Variants in GYPE observed in about 807,000 individuals in gnomAD.
The protein encoded by GYPE is glycophorin-E.
In GYPE, 8 loss-of-function variants were observed where a neutral mutation model predicts 11.6. The ratio of observed to expected loss-of-function variants is 0.69; its 90% CI spans 0.41 to 1.25. The LOEUF (loss-of-function observed/expected upper bound fraction) is 1.25. GYPE is among the 50% of genes most tolerant of loss of function. The probability of loss-of-function intolerance (pLI) is 0.01; values close to 1 mark genes in which losing one functional copy is unlikely to be tolerated. For synonymous variants in GYPE, 28 were observed against 29.6 expected (o/e 0.94, Z 0.18); for missense variants, 90 against 92.8 (o/e 0.97, Z 0.12).
intron 1 of GYPE, among the ~76,000 whole-genome samples, chr4:143,883,254 G>A (rs985617741): frequency 2.6e-5 from 4 of 151,912 alleles, no homozygotes; most frequent in African/African-American, 7.3e-5. Context: ...CATGTAAGAC[G>A]TGCCTACTTT....
At position 143,880,399 on chromosome 4, in the gene GYPE, A is replaced by G. The variant is rs1743977438; in HGVS notation, c.136+12T>C. ...TCGGAGCCACAATTTAAAAATAAAA[A>G]TGAAAACAAACCATTTGTCTGTGAT... On this transcript the variant is annotated intron_variant, in intron 2 of 3. Coordinates refer to ENST00000358615, the MANE Select transcript of GYPE (RefSeq NM_198682.3). 1 of 1,613,914 alleles carries G rather than the reference A, an allele frequency of 6.2e-7. No individual in the cohort carries two copies. The highest frequency in any genetic ancestry group is 8.5e-7 in the Non-Finnish European group (1 of 1,179,810).
chr4:143,898,877 C>G (rs1389452095), intron 1 of GYPE, among the ~76,000 whole-genome samples: 1 of 151,446 alleles, frequency 6.6e-6, no homozygotes, highest in African/African-American at 2.4e-5. Context: ...CTTTTGTGGT[C>G]TTTTTCCTAG....
rs541067351 is a variant in GYPE, at chr4:143,871,053, T to G, written c.*1209A>C. The stretch of plus-strand genomic sequence containing the variant: ...AAAACTATCAGATTATGTGAGAATT[T>G]ACTCACTATCATGAGAATAGCACAG... On this transcript the variant is annotated 3_prime_UTR_variant, in exon 4 of 4. Coordinates refer to ENST00000358615, the MANE Select transcript of GYPE (RefSeq NM_198682.3). 6.0e-5 allele frequency: 9 copies of G among 149,078 alleles called. 1 individual carries two copies. The highest frequency in any genetic ancestry group is 1.5e-4 in the African/African-American group (6 of 38,970). The allele number at this position is 149,078 out of a possible 1,614,324, so 9.2% of individuals were successfully genotyped here.
At chr4:143,891,919 G>T (rs888247578) in intron 1 of GYPE, among the ~76,000 whole-genome samples, 1 of 152,060 alleles carries the variant, frequency 6.6e-6, no homozygotes, top group Admixed American at 6.5e-5. Flanking sequence ...GGTAGAATTC[G>T]GCTGTGAATC....
chr4:143,890,217 T>C (rs907854476), intron 1 of GYPE, among the ~76,000 whole-genome samples: 1 of 152,184 alleles, frequency 6.6e-6, no homozygotes, highest in African/African-American at 2.4e-5. Flanking sequence ...AACAGATGGT[T>C]CTGGTTATTA....
intron 3 of GYPE, among the ~76,000 whole-genome samples, chr4:143,874,590 G>A (rs1328835669): frequency 1.3e-5 from 2 of 152,204 alleles, no homozygotes; most frequent in African/African-American, 4.8e-5. Flanking sequence ...TCTACGTCCT[G>A]TTTTTAGGAT....
At chr4:143,903,416 A>G (rs1174385387) in intron 1 of GYPE, among the ~76,000 whole-genome samples, 2 of 151,568 alleles carry the variant, frequency 1.3e-5, no homozygotes, top group Non-Finnish European at 2.9e-5. Context: ...ATATTAGAAA[A>G]AATGGTTCTC....
intron 1 of GYPE, among the ~76,000 whole-genome samples, chr4:143,882,569 A>C (rs984009951): frequency 6.6e-6 from 1 of 152,226 alleles, no homozygotes; most frequent in African/African-American, 2.4e-5. Flanking sequence ...CAAAAGTGTT[A>C]ATGGCCAGAA....
chr4:143,885,171 A>G (rs1744183969), intron 1 of GYPE, among the ~76,000 whole-genome samples: 1 of 152,144 alleles, frequency 6.6e-6, no homozygotes, highest in Non-Finnish European at 1.5e-5. Flanking sequence ...GCAGAAAATT[A>G]CAGCAGATTG....
chr4:143,872,755 AG>A (rs1743659116), intron 3 of GYPE, among the ~76,000 whole-genome samples: 1 of 152,172 alleles, frequency 6.6e-6, no homozygotes, highest in East Asian at 1.9e-4. Flanking sequence ...AGTCAAGCAA[AG>A]ATATGAAGCA....
At chr4:143,900,694 C>T (rs1744830025) in intron 1 of GYPE, among the ~76,000 whole-genome samples, 1 of 152,098 alleles carries the variant, frequency 6.6e-6, no homozygotes, top group South Asian at 2.1e-4. Flanking sequence ...TATGGATGAA[C>T]TTTAAACACA....
chr4:143,883,540 A>T lies in GYPE; in HGVS notation c.38-3031T>A, dbSNP rs985648733. On this transcript the variant is annotated intron_variant, in intron 1 of 3. Transcript: ENST00000358615. Reference sequence around the variant, plus strand: ...TTATAATTAATAATAACATGTAATTAATTATAAATTAATTTATAATTATTA... The same window carrying T: ...TTATAATTAATAATAACATGTAATTTATTATAAATTAATTTATAATTATTA... 1.6e-4 allele frequency among the ~76,000 whole-genome samples: 22 copies of T among 141,784 alleles called. 1 individual carries two copies. Among genetic ancestry groups the T allele is most frequent in the African/African-American group, 5.7e-4 (22 of 38,624 alleles). 93.0% of individuals were successfully genotyped at this position (141,784 alleles called of 152,430 possible). A position where few individuals can be genotyped will look rare whatever the true frequency, so the allele number is the denominator to read the frequency against.
intron 1 of GYPE, among the ~76,000 whole-genome samples, chr4:143,896,956 ATG>A (rs1431029882): frequency 6.7e-6 from 1 of 150,128 alleles, no homozygotes; most frequent in East Asian, 2.0e-4. Context: ...GAACTGAACA[ATG>A]AGAACACATG....
At chr4:143,892,328 T>G (rs1445951269) in intron 1 of GYPE, among the ~76,000 whole-genome samples, 5 of 151,672 alleles carry the variant, frequency 3.3e-5, no homozygotes, top group African/African-American at 1.2e-4. Context: ...GCTCTGATTT[T>G]AGTTATTTCT....
In GYPE at chr4:143,896,604, C is replaced by T. The variant is rs1262113517; in HGVS notation, c.37+8867G>A. On this transcript the variant is annotated intron_variant, in intron 1 of 3. Transcript: ENST00000358615. ...CATTGTGGAAGTCAGTGTGGCGATTCCTCAGGGATCTACAACTAGAAATAC... is the reference window on the plus strand; with the variant it reads ...CATTGTGGAAGTCAGTGTGGCGATTTCTCAGGGATCTACAACTAGAAATAC... Among the ~76,000 whole-genome samples, 39 of 152,272 alleles carry T rather than the reference C, an allele frequency of 2.6e-4. 1 individual carries two copies. The East Asian group carries it at 7.3e-3, about 29-fold the overall frequency.
intron 2 of GYPE, among the ~76,000 whole-genome samples, chr4:143,878,124 A>G (rs1310575460): frequency 6.6e-6 from 1 of 151,870 alleles, no homozygotes; most frequent in Non-Finnish European, 1.5e-5. Context: ...GTTTTTATTT[A>G]TTTTTATTTA....
At chr4:143,886,330 A>AG (rs1392621269) in intron 1 of GYPE, among the ~76,000 whole-genome samples, 1 of 149,024 alleles carries the variant, frequency 6.7e-6, no homozygotes, top group East Asian at 2.0e-4. Context: ...AAAAAAAAAA[A>AG]TCACTTACCT....
chr4:143,901,315 A>G (rs1744856739), intron 1 of GYPE, among the ~76,000 whole-genome samples: 1 of 152,178 alleles, frequency 6.6e-6, no homozygotes, highest in Non-Finnish European at 1.5e-5. Flanking sequence ...ACTTCTTAGA[A>G]AGCAGAGATT....
At chr4:143,894,773 G>A (rs1214942501) in intron 1 of GYPE, among the ~76,000 whole-genome samples, 6 of 152,028 alleles carry the variant, frequency 3.9e-5, no homozygotes, top group Non-Finnish European at 4.4e-5. Flanking sequence ...CTGGCAAACC[G>A]AATCCAGCAG....
Sources: gnomAD v4.1 joint callset for allele counts (sites outside exome capture counted in the v4.1 genomes callset) on GRCh38, gnomAD v4.1.1 for gene constraint, MANE v1.5 for transcripts, NCBI Gene and HGNC (gene_info 2026-07-23, HGNC 2026-07-21) for gene names.